Variants in TAF4B observed in about 807,000 individuals in gnomAD.
TAF4B encodes TATA-box binding protein associated factor 4b.
A neutral mutation model predicts 86.4 loss-of-function variants in TAF4B; 38 were observed. The observed-to-expected ratio is 0.44, with a 90% CI of 0.34 to 0.58. TAF4B has a LOEUF of 0.58. Among genes scored for constraint, TAF4B ranks in the 20% least tolerant of loss-of-function variants. The probability of loss-of-function intolerance (pLI) is 0.02; values close to 1 mark genes in which losing one functional copy is unlikely to be tolerated. For synonymous variants in TAF4B, 388 were observed against 391.2 expected (o/e 0.99, Z 0.10); for missense variants, 988 against 1,027.6 (o/e 0.96, Z 0.53).
At chr18:26,308,529 A>G (rs2056820131) in intron 9 of TAF4B, among the ~76,000 whole-genome samples, 1 of 152,156 alleles carries the variant, frequency 6.6e-6, no homozygotes, top group Non-Finnish European at 1.5e-5. Context: ...GTCAAAGCCA[A>G]GAGACAGTTA....
intron 10 of TAF4B, among the ~76,000 whole-genome samples, chr18:26,317,330 C>T (rs1383774202): frequency 6.6e-6 from 1 of 152,148 alleles, no homozygotes; most frequent in Non-Finnish European, 1.5e-5. Context: ...TGTGCCCAGC[C>T]TGCTTCCAAA....
chr18:26,287,321 C>T (rs571422928), intron 7 of TAF4B, among the ~76,000 whole-genome samples: 2 of 152,148 alleles, frequency 1.3e-5, no homozygotes, highest in African/African-American at 2.4e-5. Flanking sequence ...ATCTAGAATA[C>T]TTCTCTAGCT....
At chr18:26,280,651 A>C (rs1416838431) in intron 5 of TAF4B, among the ~76,000 whole-genome samples, 1 of 152,224 alleles carries the variant, frequency 6.6e-6, no homozygotes, top group Non-Finnish European at 1.5e-5. Context: ...GTCAAAAAAC[A>C]GATGCTGGTG....
At position 26,321,180 on chromosome 18, in the gene TAF4B, C is replaced by A. The variant is rs368959153; in HGVS notation, c.2113C>A (p.His705Asn). 7 of 1,613,604 alleles carry A rather than the reference C, an allele frequency of 4.3e-6. No individual in the cohort carries two copies. The highest frequency in any genetic ancestry group is 2.7e-5 in the African/African-American group (2 of 74,904). Residue 705 changes from histidine (H) to asparagine (N), a missense_variant, in exon 11 of 15, where the codon CAT becomes AAT. By Grantham distance (68) the His-to-Asn change is moderately conservative (BLOSUM62 1). Around this residue, in one of 3 missense-constraint regions of TAF4B, gnomAD observed 216 missense variants for 238.4 expected, o/e 0.91. Coordinates refer to ENST00000269142, the MANE Select transcript of TAF4B (RefSeq NM_005640.3). ...AGAAAAACTGACTGCAATTGCTCAG[C>A]ATCGAATGACTACTTACAAGGTAAA... is the stretch of plus-strand genomic sequence containing the variant. The part of the protein sequence containing the change: ...LLEKLTAIAQ[H>N]RMTTYKASEN...
At chr18:26,329,571 C>T (rs2057035239) in intron 12 of TAF4B, among the ~76,000 whole-genome samples, 2 of 152,128 alleles carry the variant, frequency 1.3e-5, no homozygotes, top group African/African-American at 4.8e-5. Context: ...TTTAGGGTTT[C>T]TCAGTCTTTC....
At chr18:26,293,064 C>G (rs539436303) in intron 8 of TAF4B, among the ~76,000 whole-genome samples, 1 of 151,884 alleles carries the variant, frequency 6.6e-6, no homozygotes, top group African/African-American at 2.4e-5. Flanking sequence ...TCAGTCTTAC[C>G]CAAGTCAGGT....
At chr18:26,246,959 G>T (rs1315831858) in intron 1 of TAF4B, among the ~76,000 whole-genome samples, 1 of 150,866 alleles carries the variant, frequency 6.6e-6, no homozygotes, top group East Asian at 2.0e-4. Flanking sequence ...GACCCCACCT[G>T]GGTTCAAGCG....
chr18:26,389,539 G>T (rs1978580971), intron 14 of TAF4B, among the ~76,000 whole-genome samples: 1 of 152,190 alleles, frequency 6.6e-6, no homozygotes, highest in Non-Finnish European at 1.5e-5. Flanking sequence ...CCTTTAAAGA[G>T]GGAAAGTCTG....
intron 13 of TAF4B, among the ~76,000 whole-genome samples, chr18:26,341,886 A>G (rs2057139624): frequency 6.6e-6 from 1 of 150,870 alleles, no homozygotes; most frequent in Non-Finnish European, 1.5e-5. Flanking sequence ...TCAGCTGTTA[A>G]TGTTTAGTAG....
At chr18:26,240,724 T>A (rs1033538786) in intron 1 of TAF4B, among the ~76,000 whole-genome samples, 1 of 152,186 alleles carries the variant, frequency 6.6e-6, no homozygotes, top group Non-Finnish European at 1.5e-5. Flanking sequence ...TGTGAGTTTG[T>A]CATAAATAGC....
intron 6 of TAF4B, among the ~76,000 whole-genome samples, chr18:26,285,047 A>C (rs2144591488): frequency 6.6e-6 from 1 of 151,616 alleles, no homozygotes; most frequent in South Asian, 2.1e-4. Context: ...AGCTCACTGC[A>C]ACCTCAACCT....
At chr18:26,289,025 G>A (rs1176995188) in intron 7 of TAF4B, among the ~76,000 whole-genome samples, 1 of 152,206 alleles carries the variant, frequency 6.6e-6, no homozygotes, top group East Asian at 1.9e-4. Context: ...GCAAGAGCCA[G>A]AGTGGCCAGA....
At chr18:26,352,696 C>T (rs2057254985) in intron 13 of TAF4B, among the ~76,000 whole-genome samples, 1 of 152,030 alleles carries the variant, frequency 6.6e-6, no homozygotes, top group Admixed American at 6.6e-5. Flanking sequence ...GTGAAGGTTG[C>T]AGTAAGATGA....
At chr18:26,274,532 T>A (rs1215627652) in intron 3 of TAF4B, 131 bp from the exon 4 acceptor site, 1 of 923,938 alleles carries the variant, frequency 1.1e-6, no homozygotes, top group Admixed American at 2.7e-5. Flanking sequence ...TGTATTATAT[T>A]GCCTTAGACT....
intron 14 of TAF4B, among the ~76,000 whole-genome samples, chr18:26,374,361 A>G (rs2057428218): frequency 6.6e-6 from 1 of 152,140 alleles, no homozygotes; most frequent in Non-Finnish European, 1.5e-5. Context: ...TGCTTCTTCT[A>G]TAATTTAGAG....
At chr18:26,277,925 C>T (rs1221526036) in intron 5 of TAF4B, among the ~76,000 whole-genome samples, 3 of 152,198 alleles carry the variant, frequency 2.0e-5, no homozygotes, top group Non-Finnish European at 4.4e-5. Flanking sequence ...ATAGTTGTTA[C>T]ACATTTTTCA....
rs74736139 is a variant in TAF4B, at chr18:26,262,780, C to T, written c.344-2390C>T. ...ACAAGTGTGAGCTACCATACCTGAC[C>T]GGTTTCCAAAAACTTTGAATGATTG... is the stretch of plus-strand genomic sequence containing the variant. On this transcript the variant is annotated intron_variant, in intron 1 of 14. Coordinates refer to ENST00000269142, the MANE Select transcript of TAF4B (RefSeq NM_005640.3). Among the ~76,000 whole-genome samples, 1,146 of 152,184 alleles carry T rather than the reference C, an allele frequency of 7.5e-3. 11 individuals carry two copies. The highest frequency in any genetic ancestry group is 0.026 in the African/African-American group (1,088 of 41,518).
At chr18:26,291,363 C>T (rs2056590115) in intron 7 of TAF4B, among the ~76,000 whole-genome samples, 1 of 151,830 alleles carries the variant, frequency 6.6e-6, no homozygotes, top group African/African-American at 2.4e-5. Flanking sequence ...TGCTTTCAAG[C>T]GATGGTCTAA....
Position 26,291,254 on chromosome 18 carries a change from CTGTTT to C in TAF4B, c.1591-983_1591-979del, listed in dbSNP as rs372900833. On this transcript the variant is annotated intron_variant, in intron 7 of 14. Transcript: ENST00000269142. ...AAATACATGATGACTGTTTTTCTAC[CTGTTT>C]TGTTTTGTCTTGTTTTTTTGAGACA... is the stretch of plus-strand genomic sequence containing the variant. Among the ~76,000 whole-genome samples, 61 of 152,022 alleles carry C rather than the reference CTGTTT, an allele frequency of 4.0e-4. No individual in the cohort carries two copies. In the South Asian group the frequency reaches 0.013, roughly 32 times the overall value.
Sources: allele counts gnomAD v4.1 joint callset (sites outside exome capture counted in the v4.1 genomes callset), GRCh38; gene constraint gnomAD v4.1.1; regional missense constraint gnomAD v4.1.1; transcripts MANE v1.5; gene names NCBI Gene and HGNC (gene_info 2026-07-23, HGNC 2026-07-21).